ANK3: variants seen among roughly 807,000 people sequenced by gnomAD.
The protein encoded by ANK3 is ankyrin 3.
A neutral mutation model predicts 370.9 loss-of-function variants in ANK3; 57 were observed. The ratio of observed to expected loss-of-function variants is 0.15; its 90% confidence interval spans 0.12 to 0.19. ANK3 has a LOEUF of 0.19. Ranked by LOEUF, ANK3 falls within the 10% of genes least tolerant of loss-of-function variation. ANK3 has a pLI of 1.00. For missense variants in ANK3, 4,439 were observed against 5,302.1 expected, an observed-to-expected ratio of 0.84 and a Z score of 5.06; for synonymous variants, 1,929 against 1,946.3, an observed-to-expected ratio of 0.99 and a Z score of 0.23.
chr10:60,401,378 T>A (rs1490705427), intron 2 of ANK3, among the ~76,000 whole-genome samples: 4 of 152,198 alleles, frequency 2.6e-5, no homozygotes, highest in African/African-American at 9.6e-5. Context: ...AGTGCAAAGA[T>A]CATGTTAAGT....
chr10:60,482,605 T>C (rs2075253463), intron 2 of ANK3, among the ~76,000 whole-genome samples: 1 of 152,056 alleles, frequency 6.6e-6, no homozygotes, highest in Non-Finnish European at 1.5e-5. Context: ...TCCCACCTCA[T>C]TCTCTCTAGT....
chr10:60,519,783 C>T (rs2076306736), intron 2 of ANK3, among the ~76,000 whole-genome samples: 1 of 152,060 alleles, frequency 6.6e-6, no homozygotes, highest in Non-Finnish European at 1.5e-5. Flanking sequence ...TTTATTACAC[C>T]TGACCACAGT....
chr10:60,046,195 AT>A (rs1473450694), intron 42 of ANK3, among the ~76,000 whole-genome samples: 1 of 152,208 alleles, frequency 6.6e-6, no homozygotes, highest in Admixed American at 6.5e-5. Context: ...TGGCAGTGTT[AT>A]TTGTATTTTC....
At chr10:60,577,569 T>C (rs1482143102) in intron 2 of ANK3, among the ~76,000 whole-genome samples, 1 of 152,138 alleles carries the variant, frequency 6.6e-6, no homozygotes, top group Non-Finnish European at 1.5e-5. Context: ...TCTCTCTTGT[T>C]TGCCACCATG....
At chr10:60,624,839 TG>T (rs2078386774) in intron 1 of ANK3, among the ~76,000 whole-genome samples, 1 of 151,970 alleles carries the variant, frequency 6.6e-6, no homozygotes, top group Non-Finnish European at 1.5e-5. Flanking sequence ...GGAGTTTTCC[TG>T]AGAGAAAATA....
intron 1 of ANK3, among the ~76,000 whole-genome samples, chr10:60,624,007 G>A (rs1358451798): frequency 6.6e-6 from 1 of 152,038 alleles, no homozygotes; most frequent in East Asian, 1.9e-4. Flanking sequence ...TAAACACTGA[G>A]TACACATGGA....
At chr10:60,149,403 T>C (rs2094983094) in intron 23 of ANK3, among the ~76,000 whole-genome samples, 1 of 152,128 alleles carries the variant, frequency 6.6e-6, no homozygotes, top group Non-Finnish European at 1.5e-5. Context: ...ACTTTTCAGG[T>C]AGATGGAAGG....
At position 60,073,303 on chromosome 10, in the gene ANK3, A is replaced by G; in HGVS notation, c.7578T>C (p.Gly2526=). ...GCTCATCTTTAGACACTTTACCTAC[A>G]CCATTTTCAGAAACATCTTTATAGA... ...SKIYKDVSEN[G]VGKVSKDEHF... The change falls in exon 37 of 44, where the codon GGT becomes GGC. Residue 2526 remains glycine, a synonymous_variant. Coordinates refer to ENST00000280772, the MANE Select transcript of ANK3 (RefSeq NM_020987.5). 1 of 1,613,840 alleles carries G rather than the reference A, an allele frequency of 6.2e-7. No individual in the cohort carries two copies.
chr10:60,430,983 C>A (rs1278776825), intron 2 of ANK3, among the ~76,000 whole-genome samples: 4 of 152,150 alleles, frequency 2.6e-5, no homozygotes, highest in Non-Finnish European at 5.9e-5. Flanking sequence ...GGTTCCCAAC[C>A]TTTTTGGCAC....
At position 60,276,464 on chromosome 10, in the gene ANK3, C is replaced by T. The variant is rs76878840; in HGVS notation, c.414+2310G>A. On this transcript the variant is annotated intron_variant, in intron 4 of 43. Transcript: ENST00000280772. Reference sequence around the variant, plus strand: ...GTCATCTCATTACTTATTCCATCCACAGAACAATGCAGTTCAGAAGGCATA... The same window carrying T: ...GTCATCTCATTACTTATTCCATCCATAGAACAATGCAGTTCAGAAGGCATA... 8.9e-3 allele frequency among the ~76,000 whole-genome samples: 1,352 copies of T among 152,232 alleles called. 22 individuals are homozygous for T. Among genetic ancestry groups the T allele is most frequent in the African/African-American group, 0.031 (1,300 of 41,526 alleles).
chr10:60,152,665 G>A (rs2095183668), intron 23 of ANK3, among the ~76,000 whole-genome samples: 1 of 151,936 alleles, frequency 6.6e-6, no homozygotes, highest in Non-Finnish European at 1.5e-5. Context: ...GTGTGGCTTG[G>A]TTACTTTTGT....
intron 16 of ANK3, among the ~76,000 whole-genome samples, chr10:60,189,927 G>A (rs1270584961): frequency 6.6e-6 from 1 of 152,056 alleles, no homozygotes; most frequent in East Asian, 1.9e-4. Flanking sequence ...TAGATATGTT[G>A]CACATTTTAT....
At chr10:60,333,160 T>C (rs756479621) in intron 1 of ANK3, among the ~76,000 whole-genome samples, 1 of 152,152 alleles carries the variant, frequency 6.6e-6, no homozygotes, top group Non-Finnish European at 1.5e-5. Flanking sequence ...ATCTTTTTAT[T>C]ATTATTATAC....
intron 24 of ANK3, among the ~76,000 whole-genome samples, chr10:60,137,577 GCATAA>G (rs1324337038): frequency 2.0e-5 from 3 of 151,766 alleles, no homozygotes; most frequent in Admixed American, 6.6e-5. Flanking sequence ...TTGCCTCTGA[GCATAA>G]CATGAGTCAT....
At position 60,174,943 on chromosome 10, in the gene ANK3, C is replaced by T. The variant is rs565942475; in HGVS notation, c.2185-1757G>A. 7.2e-5 allele frequency among the ~76,000 whole-genome samples: 11 copies of T among 152,228 alleles called. No homozygotes were observed. In the South Asian group the frequency reaches 2.3e-3, roughly 32 times the overall value. ...CTATGTTGCCTAGGCTGGTCTCAAACTCCTGGGCTCAAGTGATCTTCCTGC... is the reference window on the plus strand; with the variant it reads ...CTATGTTGCCTAGGCTGGTCTCAAATTCCTGGGCTCAAGTGATCTTCCTGC... On this transcript the variant is annotated intron_variant, in intron 18 of 43. Transcript: ENST00000280772.
chr10:60,491,332 A>G (rs1315084247), intron 2 of ANK3, among the ~76,000 whole-genome samples: 1 of 152,248 alleles, frequency 6.6e-6, no homozygotes, highest in East Asian at 1.9e-4. Flanking sequence ...TGCATAAATC[A>G]ACTGTTCTTA....
intron 18 of ANK3, among the ~76,000 whole-genome samples, chr10:60,177,593 C>CT (rs771714886): frequency 7.1e-4 from 75 of 106,280 alleles, no homozygotes; most frequent in Admixed American, 2.0e-3. Context: ...GTCTTCAAAT[C>CT]TTTTTTTTTT....
intron 1 of ANK3, among the ~76,000 whole-genome samples, chr10:60,296,376 T>G (rs1235620697): frequency 6.6e-6 from 1 of 152,216 alleles, no homozygotes; most frequent in Non-Finnish European, 1.5e-5. Flanking sequence ...AACTTGTCAT[T>G]GTTGCATAAA....
rs59650173 is a variant in ANK3 at position 60,247,951 on chromosome 10, G to A, written c.799-13165C>T. 6.2e-3 allele frequency among the ~76,000 whole-genome samples: 951 copies of A among 152,328 alleles called. 9 individuals carry two copies. The highest frequency in any genetic ancestry group is 0.022 in the African/African-American group (910 of 41,584). ...CAAAGTGCTGGGATTACAGGCGTGA[G>A]CCACTGCGCCTGGCCAGCATAATGT... is the stretch of plus-strand genomic sequence containing the variant. On this transcript the variant is annotated intron_variant, in intron 7 of 43. Transcript: ENST00000280772.
Sources: gnomAD v4.1 joint callset for allele counts (sites outside exome capture counted in the v4.1 genomes callset) on GRCh38, gnomAD v4.1.1 for gene constraint, MANE v1.5 for transcripts, NCBI Gene and HGNC (gene_info 2026-07-23, HGNC 2026-07-21) for gene names.